CACNA2D2: variants seen among roughly 807,000 people sequenced by gnomAD.
The protein encoded by CACNA2D2 is voltage-dependent calcium channel subunit alpha-2/delta-2.
Under a neutral mutation model 166.4 loss-of-function variants are expected in CACNA2D2, and 48 were observed. The ratio of observed to expected loss-of-function variants is 0.29; its 90% confidence interval spans 0.23 to 0.37. The LOEUF (loss-of-function observed/expected upper bound fraction) is 0.37. Ranked by LOEUF, CACNA2D2 falls within the 10% of genes least tolerant of loss-of-function variation. CACNA2D2 has a pLI of 1.00. For missense variants in CACNA2D2, 1,122 were observed against 1,433.0 expected (o/e 0.78, Z 3.50); for synonymous variants, 561 against 573.7 (o/e 0.98, Z 0.32).
At chr3:50,493,331 TCAGTGCCAGC>T (rs1698594868) in intron 1 of CACNA2D2, among the ~76,000 whole-genome samples, 1 of 152,200 alleles carries the variant, frequency 6.6e-6, no homozygotes, top group African/African-American at 2.4e-5. Flanking sequence ...GGCATGTGAC[TCAGTGCCAGC>T]CAATGAGATG....
At chr3:50,488,095 G>C (rs1222848852) in intron 1 of CACNA2D2, among the ~76,000 whole-genome samples, 2 of 152,214 alleles carry the variant, frequency 1.3e-5, no homozygotes, top group Non-Finnish European at 2.9e-5. Context: ...GACTGGCCAG[G>C]TGAAGGTGGC....
intron 22 of CACNA2D2, among the ~76,000 whole-genome samples, chr3:50,373,686 G>A (rs2109432456): frequency 7.3e-6 from 1 of 137,026 alleles, no homozygotes; most frequent in African/African-American, 2.8e-5. Flanking sequence ...GAGGAGGTGA[G>A]CAGGAGAAAG....
chr3:50,481,721 C>T (rs1698065080), intron 1 of CACNA2D2, among the ~76,000 whole-genome samples: 1 of 152,186 alleles, frequency 6.6e-6, no homozygotes, highest in Non-Finnish European at 1.5e-5. Flanking sequence ...GCAGGCTGGG[C>T]ATGGTGGCTC....
chr3:50,414,674 A>G (rs1298582985), intron 3 of CACNA2D2, among the ~76,000 whole-genome samples: 1 of 152,234 alleles, frequency 6.6e-6, no homozygotes, highest in Non-Finnish European at 1.5e-5. Flanking sequence ...AGGCCTCTGA[A>G]ATAATTAGCA....
rs1486568915 is a variant in CACNA2D2, at chr3:50,366,909, G to A, written c.2511C>T (p.Val837=). The change falls in exon 29 of 38, where the codon GTC becomes GTT. Residue 837 remains valine (V), a synonymous_variant. Coordinates refer to ENST00000424201, the MANE Select transcript of CACNA2D2 (RefSeq NM_006030.4). The surrounding 1 kb of genome is among the most constrained non-coding windows in gnomAD (Gnocchi z 5.9). The part of the protein sequence containing the change: ...RRTLRPAVVG[V]KLDLEAWAEK... ...CAGCCCAAGCCTCTAGGTCCAGCTTGACGCCCACCACTTTGGGGGAGAGCA... is the reference window on the plus strand; with the variant it reads ...CAGCCCAAGCCTCTAGGTCCAGCTTAACGCCCACCACTTTGGGGGAGAGCA... 1 of 1,613,718 alleles carries A rather than the reference G, an allele frequency of 6.2e-7. No homozygotes were observed. The highest frequency in any genetic ancestry group is 1.1e-5 in the South Asian group (1 of 91,080).
At position 50,376,245 on chromosome 3, in the gene CACNA2D2, C is replaced by T; in HGVS notation, c.1627-57G>A. 6.4e-7 allele frequency: 1 copy of T among 1,566,132 alleles called. No individual in the cohort carries two copies. The highest frequency in any genetic ancestry group is 8.8e-7 in the Non-Finnish European group (1 of 1,142,156). On this transcript the variant is annotated intron_variant, in intron 17 of 37. Coordinates refer to ENST00000424201, the MANE Select transcript of CACNA2D2 (RefSeq NM_006030.4). The surrounding 1 kb of genome is among the most constrained non-coding windows in gnomAD (Gnocchi z 4.3). ...GAGGGATGGGCTGGGGTTCCCTGGG[C>T]TCCGGAGTTCTTCCCTATTTGGCCT...
chr3:50,480,658 C>A lies in CACNA2D2; in HGVS notation c.207-4459G>T, dbSNP rs1698006562. On this transcript the variant is annotated intron_variant, in intron 1 of 37. Coordinates refer to ENST00000424201, the MANE Select transcript of CACNA2D2 (RefSeq NM_006030.4). ...CTAACAGGCAAGGGAGTGACATCAT[C>A]TGTGCGTGGGGTGAGAAGCTGCAGC... Among the ~76,000 whole-genome samples the A allele has an allele frequency of 2.7e-5, 4 of 150,894 alleles. 1 individual carries two copies. The highest frequency in any genetic ancestry group is 3.4e-3 in the Middle Eastern group (1 of 292).
intron 2 of CACNA2D2, among the ~76,000 whole-genome samples, chr3:50,462,235 A>G (rs1163517879): frequency 6.6e-6 from 1 of 151,950 alleles, no homozygotes; most frequent in East Asian, 1.9e-4. Context: ...CTACAAATAC[A>G]AAAACGAGGC....
Position 50,375,699 on chromosome 3 carries a change from T to G in CACNA2D2, c.1852A>C (p.Ile618Leu). 3.1e-6 allele frequency: 5 copies of G among 1,613,264 alleles called. No individual in the cohort carries two copies. Among genetic ancestry groups the G allele is most frequent in the Non-Finnish European group, 4.2e-6 (5 of 1,179,904 alleles). The change falls in exon 21 of 38, where the codon ATA becomes CTA. Residue 618 changes from isoleucine (I) to leucine (L), a missense_variant. By Grantham distance (5) the Ile-to-Leu change is conservative. This residue lies in a region of CACNA2D2 where 840 missense variants were observed against 1,166.8 expected (regional missense o/e 0.72). Coordinates refer to ENST00000424201, the MANE Select transcript of CACNA2D2 (RefSeq NM_006030.4). This position sits in a 1 kb window ranked among gnomAD's most constrained non-coding sequence, Gnocchi z 4.0. ...TLVKSLDERYIDEVTRNYTWV... is the reference protein window; with the variant it reads ...TLVKSLDERYLDEVTRNYTWV... ...GTGTAGTTCCGTGTCACCTCATCTA[T>G]GTACCTCTGGGAGAGGAGGCTGGGT...
At chr3:50,373,019 G>T in intron 22 of CACNA2D2, 2 of 1,514,286 alleles carry the variant, frequency 1.3e-6, no homozygotes, top group South Asian at 1.2e-5. Context: ...GCGTGAGGAT[G>T]GGAGGGGTGG....
At position 50,375,284 on chromosome 3, in the gene CACNA2D2, G is replaced by A. The variant is rs587738742; in HGVS notation, c.1907+360C>T. Among the ~76,000 whole-genome samples, 6 of 152,262 alleles carry A rather than the reference G, an allele frequency of 3.9e-5. No homozygotes were observed. The highest frequency in any genetic ancestry group is 3.3e-4 in the Admixed American group (5 of 15,300). On this transcript the variant is annotated intron_variant, in intron 21 of 37. Coordinates refer to ENST00000424201, the MANE Select transcript of CACNA2D2 (RefSeq NM_006030.4). This position sits in a 1 kb window ranked among gnomAD's most constrained non-coding sequence, Gnocchi z 4.0. ...CTGGCATGGGCTGTGAGGATGCCCCGGCATTTCAGGATGGACTAGCTGTGT... is the reference window on the plus strand; with the variant it reads ...CTGGCATGGGCTGTGAGGATGCCCCAGCATTTCAGGATGGACTAGCTGTGT...
intron 3 of CACNA2D2, among the ~76,000 whole-genome samples, chr3:50,433,561 G>A (rs1366614733): frequency 6.6e-6 from 1 of 152,072 alleles, no homozygotes; most frequent in Non-Finnish European, 1.5e-5. Flanking sequence ...GACACAGGCT[G>A]GAGCAACTGC....
At chr3:50,501,663 C>T (rs1267798073) in intron 1 of CACNA2D2, among the ~76,000 whole-genome samples, 1 of 152,160 alleles carries the variant, frequency 6.6e-6, no homozygotes, top group Non-Finnish European at 1.5e-5. Flanking sequence ...AAGAGACATC[C>T]ACTTAAACCT....
intron 1 of CACNA2D2, among the ~76,000 whole-genome samples, chr3:50,496,622 C>G (rs778642957): frequency 6.6e-6 from 1 of 152,210 alleles, no homozygotes; most frequent in East Asian, 1.9e-4. Context: ...TAGATCCAGT[C>G]GGGATCCACA....
Position 50,379,252 on chromosome 3 carries a change from G to A in CACNA2D2, c.1153-53C>T. On this transcript the variant is annotated intron_variant, in intron 11 of 37. Coordinates refer to ENST00000424201, the MANE Select transcript of CACNA2D2 (RefSeq NM_006030.4). This position sits in a 1 kb window ranked among gnomAD's most constrained non-coding sequence, Gnocchi z 6.5. ...GCTCTCAGCCCTCCCTGGTCCAGGG[G>A]CAGGGCCTCCCTCCCGCAGTGGGCC... The A allele has an allele frequency of 5.3e-6, 8 of 1,515,888 alleles. No homozygotes were observed. The highest frequency in any genetic ancestry group is 7.3e-6 in the Non-Finnish European group (8 of 1,092,014). The allele number at this position is 1,515,888 out of a possible 1,614,324, so 93.9% of individuals were successfully genotyped here. A position where few individuals can be genotyped will look rare whatever the true frequency, so the allele number is the denominator to read the frequency against.
intron 3 of CACNA2D2, among the ~76,000 whole-genome samples, chr3:50,433,438 C>T (rs1342587696): frequency 6.6e-6 from 1 of 152,104 alleles, no homozygotes; most frequent in Non-Finnish European, 1.5e-5. Context: ...TGGCCCACTG[C>T]AGCCTCGAAT....
At chr3:50,480,961 GGGA>G (rs957919094) in intron 1 of CACNA2D2, among the ~76,000 whole-genome samples, 1 of 92,098 alleles carries the variant, frequency 1.1e-5, no homozygotes, top group Non-Finnish European at 2.3e-5. Context: ...ATGGGGAAAA[GGGA>G]GAAGAGTCCG....
chr3:50,370,294 C>A, intron 23 of CACNA2D2, 26 bp downstream of exon 23: 1 of 1,559,408 alleles, frequency 6.4e-7, no homozygotes, highest in Non-Finnish European at 8.7e-7. Flanking sequence ...GGGGAGGACA[C>A]CTCAGCAAGG....
intron 2 of CACNA2D2, among the ~76,000 whole-genome samples, chr3:50,463,436 C>T (rs1446627566): frequency 6.6e-6 from 1 of 152,156 alleles, no homozygotes; most frequent in South Asian, 2.1e-4. Context: ...GTGGCTGGGA[C>T]CACAGGTGCA....
Sources: allele counts gnomAD v4.1 joint callset (sites outside exome capture counted in the v4.1 genomes callset), GRCh38; gene constraint gnomAD v4.1.1; regional missense constraint gnomAD v4.1.1; non-coding constraint Gnocchi (gnomAD v3.1); transcripts MANE v1.5; gene names NCBI Gene and HGNC (gene_info 2026-07-23, HGNC 2026-07-21).